RNPEP: variants seen among roughly 807,000 people sequenced by gnomAD.
RNPEP encodes aminopeptidase B.
A neutral mutation model predicts 70.1 loss-of-function variants in RNPEP; 57 were observed. The observed-to-expected ratio is 0.81, with a 90% CI of 0.66 to 1.01. RNPEP has a LOEUF of 1.01. Ranked by LOEUF, RNPEP falls within the 50% of genes least tolerant of loss-of-function variation. RNPEP has a pLI of 0.00. For synonymous variants in RNPEP, 335 were observed against 357.4 expected (o/e 0.94, Z 0.71); for missense variants, 787 against 852.4 (o/e 0.92, Z 0.96).
chr1:201,995,144 C>A (rs1683501196), intron 3 of RNPEP, among the ~76,000 whole-genome samples: 1 of 151,878 alleles, frequency 6.6e-6, no homozygotes, highest in African/African-American at 2.4e-5. Context: ...TCCAAGCCAC[C>A]TTTGTTTCCC....
intron 4 of RNPEP, chr1:201,996,499 G>GTGTGTGTGTGTGTGTGTGTC (rs1269880183): frequency 7.5e-6 from 3 of 400,390 alleles, no homozygotes; most frequent in African/African-American, 6.6e-5. Context: ...GTGTGTGTGT[G>GTGTGTGTGTGTGTGTGTGTC]TGTGTGTGTT....
In RNPEP at chr1:201,997,661, G is replaced by A. The variant is rs773426192; in HGVS notation, c.1090+107G>A. Reference sequence around the variant, plus strand: ...AGAATACAAGTGGGTGTGAAGAGACGAGGCAGTAGTGTGTATCCAACATTT... The same window carrying A: ...AGAATACAAGTGGGTGTGAAGAGACAAGGCAGTAGTGTGTATCCAACATTT... On this transcript the variant is annotated intron_variant, in intron 5 of 10. Coordinates refer to ENST00000295640, the MANE Select transcript of RNPEP (RefSeq NM_020216.4). 93 of 776,342 alleles carry A rather than the reference G, an allele frequency of 1.2e-4. No individual in the cohort carries two copies. The African/African-American group carries it at 1.4e-3, about 11-fold the overall frequency. The allele number at this position is 776,342 out of a possible 1,614,324, so 48.1% of individuals were successfully genotyped here. A position where few individuals can be genotyped will look rare whatever the true frequency, so the allele number is the denominator to read the frequency against.
rs952264893 is a variant in RNPEP at position 202,000,224 on chromosome 1, C to G, written c.1204+209C>G. 11 of 489,974 alleles carry G rather than the reference C, an allele frequency of 2.2e-5. No individual in the cohort carries two copies. In the East Asian group the frequency reaches 3.7e-4, roughly 17 times the overall value. The allele number at this position is 489,974 out of a possible 1,614,324, so 30.4% of individuals were successfully genotyped here. Reference sequence around the variant, plus strand: ...AGATAGGAGTTCTGTCCAGTCTGTGCGGTTCGTGATGACTTCACCATTGCT... The same window carrying G: ...AGATAGGAGTTCTGTCCAGTCTGTGGGGTTCGTGATGACTTCACCATTGCT... On this transcript the variant is annotated intron_variant, in intron 6 of 10. Transcript: ENST00000295640.
intron 5 of RNPEP, among the ~76,000 whole-genome samples, chr1:201,998,532 C>T (rs1558265685): frequency 6.6e-6 from 1 of 152,194 alleles, no homozygotes; most frequent in Non-Finnish European, 1.5e-5. Flanking sequence ...AGCTGTGAGC[C>T]ACTGCGCCCG....
chr1:201,991,857 G>A (rs1168913281), intron 3 of RNPEP, among the ~76,000 whole-genome samples: 1 of 152,096 alleles, frequency 6.6e-6, no homozygotes, highest in African/African-American at 2.4e-5. Flanking sequence ...TGGTAATTTT[G>A]ACATCCAAGG....
chr1:202,001,881 AG>A (rs1683832666), intron 8 of RNPEP, 114 bp downstream of exon 8: 1 of 716,546 alleles, frequency 1.4e-6, no homozygotes, highest in South Asian at 1.7e-5. Context: ...TCAGCTAGGT[AG>A]GGGCGTTTTG....
intron 1 of RNPEP, among the ~76,000 whole-genome samples, chr1:201,984,846 T>C (rs200094279): frequency 0.62 from 80,583 of 129,212 alleles, 26,787 homozygotes; most frequent in Non-Finnish European, 0.67. Flanking sequence ...TTTTTTTTTT[T>C]TTTTTTTTTT....
chr1:201,997,856 C>T (rs954376812), intron 5 of RNPEP, among the ~76,000 whole-genome samples: 1 of 151,558 alleles, frequency 6.6e-6, no homozygotes, highest in Admixed American at 6.6e-5. Flanking sequence ...CTCCACCTCC[C>T]GGCTTCAAGC....
intron 1 of RNPEP, among the ~76,000 whole-genome samples, chr1:201,988,457 CAAAAAAAAAAAAA>C (rs142459545): frequency 6.1e-5 from 7 of 114,400 alleles, no homozygotes; most frequent in East Asian, 2.7e-4. Context: ...TACTCTGTCT[CAAAAAAAAAAAAA>C]AAAAAAAAAA....
At chr1:201,989,310 T>A in intron 2 of RNPEP, 73 bp from the exon 3 acceptor site, 1 of 1,548,680 alleles carries the variant, frequency 6.5e-7, no homozygotes, top group African/African-American at 1.4e-5. Flanking sequence ...AGGTGGCCGG[T>A]CATGCTCTTA....
rs760745382 is a variant in RNPEP, at chr1:202,004,493, C to T, written c.1791C>T (p.Asn597=). Reference sequence around the variant, plus strand: ...GGAAAGTGAAGGAGTTCCTGCATAACCAGGTGGGTGACCCCTGCCTCGCTG... The same window carrying T: ...GGAAAGTGAAGGAGTTCCTGCATAATCAGGTGGGTGACCCCTGCCTCGCTG... ...DFWKVKEFLH[N]QGKQKYTLPL... Residue 597 remains asparagine, a synonymous_variant, in exon 10 of 11, where the codon AAC becomes AAT. Coordinates refer to ENST00000295640, the MANE Select transcript of RNPEP (RefSeq NM_020216.4). 45 of 1,613,440 alleles carry T rather than the reference C, an allele frequency of 2.8e-5. No homozygotes were observed. The highest frequency in any genetic ancestry group is 3.8e-5 in the Non-Finnish European group (45 of 1,179,968).
intron 5 of RNPEP, 110 bp from the exon 6 acceptor site, chr1:201,999,792 C>G (rs1028442632): frequency 3.9e-6 from 3 of 774,806 alleles, no homozygotes; most frequent in Non-Finnish European, 6.4e-6. Flanking sequence ...AGGTATCTGT[C>G]GCTGTTCTTC....
chr1:201,988,125 A>C (rs1332436501), intron 1 of RNPEP, among the ~76,000 whole-genome samples: 4 of 142,116 alleles, frequency 2.8e-5, no homozygotes, highest in Admixed American at 1.4e-4. Flanking sequence ...GGGCGACAAG[A>C]GTGAAACTCT....
At chr1:201,983,661 G>A in intron 1 of RNPEP, 1 of 1,169,914 alleles carries the variant, frequency 8.5e-7, no homozygotes, top group Non-Finnish European at 1.1e-6. Flanking sequence ...GTGAAGTCCT[G>A]GATTTGATTA....
At chr1:201,998,051 C>T (rs1272378964) in intron 5 of RNPEP, among the ~76,000 whole-genome samples, 1 of 152,190 alleles carries the variant, frequency 6.6e-6, no homozygotes, top group African/African-American at 2.4e-5. Context: ...GCGTGAGCCA[C>T]CATGCCCAGC....
chr1:201,988,962 A>G lies in RNPEP; in HGVS notation c.506A>G (p.Gln169Arg). Residue 169 changes from glutamine to arginine, a missense_variant, in exon 2 of 11, where the codon CAG (glutamine) becomes CGG (arginine). Physicochemically the swap from Gln to Arg is conservative, Grantham distance 43. Transcript: ENST00000295640. Reference protein sequence around the residue: ...AGKKKPFVYTQGQAVLNRAFF... With the variant: ...AGKKKPFVYTRGQAVLNRAFF... ...AAGAAGAAGCCCTTCGTGTACACCC[A>G]GGGCCAGGCTGTCCTAAACCGGGCC... is the stretch of plus-strand genomic sequence containing the variant. The G allele has an allele frequency of 1.2e-6, 2 of 1,614,118 alleles. No individual in the cohort carries two copies.
intron 3 of RNPEP, among the ~76,000 whole-genome samples, chr1:201,991,318 T>C (rs1683324726): frequency 6.6e-6 from 1 of 152,180 alleles, no homozygotes; most frequent in African/African-American, 2.4e-5. Flanking sequence ...TTTCACTATG[T>C]TGGCCAGGCT....
chr1:201,984,831 T>C lies in RNPEP; in HGVS notation c.447+1718T>C, dbSNP rs1395373721. On this transcript the variant is annotated intron_variant, in intron 1 of 10. Coordinates refer to ENST00000295640, the MANE Select transcript of RNPEP (RefSeq NM_020216.4). ...CTTTTGTATTTCTTTCTTTTTTTTT[T>C]TTTTTTTTTTTTTTTTTTTTTTTTT... is the stretch of plus-strand genomic sequence containing the variant. Among the ~76,000 whole-genome samples, 9 of 13,554 alleles carry C rather than the reference T, an allele frequency of 6.6e-4. 1 individual carries two copies. The highest frequency in any genetic ancestry group is 4.9e-3 in the East Asian group (2 of 412). The allele number at this position is 13,554 out of a possible 152,430, so 8.9% of individuals were successfully genotyped here. A position where few individuals can be genotyped will look rare whatever the true frequency, so the allele number is the denominator to read the frequency against.
At chr1:202,003,074 G>T (rs1216139719) in intron 8 of RNPEP, 163 bp from the exon 9 acceptor site, 3 of 606,990 alleles carry the variant, frequency 4.9e-6, no homozygotes, top group Non-Finnish European at 8.9e-6. Context: ...TTATAACTAG[G>T]ACCCTGCTGG....
Sources: allele counts gnomAD v4.1 joint callset (sites outside exome capture counted in the v4.1 genomes callset), GRCh38; gene constraint gnomAD v4.1.1; transcripts MANE v1.5; gene names NCBI Gene and HGNC (gene_info 2026-07-23, HGNC 2026-07-21).